ROBO1: variants seen among roughly 807,000 people sequenced by gnomAD.
ROBO1 encodes roundabout homolog 1.
A neutral mutation model predicts 195.9 loss-of-function variants in ROBO1; 149 were observed. That is an observed-to-expected ratio of 0.76 (90% CI 0.67 to 0.87). The LOEUF (loss-of-function observed/expected upper bound fraction) is 0.87. Ranked by LOEUF, ROBO1 falls within the 40% of genes least tolerant of loss-of-function variation. ROBO1 has a pLI of 0.00. For synonymous variants in ROBO1, 816 were observed against 733.2 expected (o/e 1.11, Z -1.82); for missense variants, 1,933 against 2,068.3 (o/e 0.93, Z 1.27).
intron 5 of ROBO1, among the ~76,000 whole-genome samples, chr3:78,728,457 TAA>T (rs11338908): frequency 0.029 from 4,265 of 148,522 alleles, 79 homozygotes; most frequent in Non-Finnish European, 0.046. Context: ...TTCTAGGTTA[TAA>T]AAAAAAAAAA....
rs565934200 is a variant in ROBO1, at chr3:78,901,947, G to A, written c.499+36654C>T. Among the ~76,000 whole-genome samples, 34 of 152,194 alleles carry A rather than the reference G, an allele frequency of 2.2e-4. No individual in the cohort carries two copies. The South Asian group carries it at 3.1e-3, about 14-fold the overall frequency. Reference sequence around the variant, plus strand: ...TATAAAGTTCTTTCCAGGAAATTACGTTTATTTCAAAATTTTATTTTCTTT... The same window carrying A: ...TATAAAGTTCTTTCCAGGAAATTACATTTATTTCAAAATTTTATTTTCTTT... On this transcript the variant is annotated intron_variant, in intron 4 of 30. Coordinates refer to ENST00000464233, the MANE Select transcript of ROBO1 (RefSeq NM_002941.4).
intron 4 of ROBO1, among the ~76,000 whole-genome samples, chr3:78,789,948 G>A (rs2108520747): frequency 6.6e-6 from 1 of 152,244 alleles, no homozygotes; most frequent in Middle Eastern, 3.4e-3. Context: ...AACATCTTGG[G>A]CTAGCTTAAC....
chr3:78,838,261 A>C (rs1169079607), intron 4 of ROBO1, among the ~76,000 whole-genome samples: 1 of 152,200 alleles, frequency 6.6e-6, no homozygotes, highest in African/African-American at 2.4e-5. Flanking sequence ...TGTCCATCAT[A>C]ATTAAAGGCC....
At chr3:79,260,788 T>C (rs1023629523) in intron 2 of ROBO1, among the ~76,000 whole-genome samples, 1 of 152,124 alleles carries the variant, frequency 6.6e-6, no homozygotes, top group South Asian at 2.1e-4. Context: ...GCAATCACAA[T>C]TTTTTAAAAT....
chr3:78,817,810 TCCAACTA>T (rs1559887342), intron 4 of ROBO1, among the ~76,000 whole-genome samples: 9 of 152,146 alleles, frequency 5.9e-5, no homozygotes, highest in African/African-American at 2.2e-4. Context: ...TGGTCATAGT[TCCAACTA>T]CCGTGGTTCC....
At chr3:78,728,261 C>G (rs919804228) in intron 5 of ROBO1, among the ~76,000 whole-genome samples, 4 of 152,022 alleles carry the variant, frequency 2.6e-5, no homozygotes, top group Non-Finnish European at 5.9e-5. Context: ...ATTTCCCACT[C>G]GAGTCTCTTG....
intron 2 of ROBO1, among the ~76,000 whole-genome samples, chr3:79,160,434 T>C (rs1192482380): frequency 6.6e-6 from 1 of 152,060 alleles, no homozygotes; most frequent in Non-Finnish European, 1.5e-5. Flanking sequence ...CATAAATTTA[T>C]CTTTAGTATG....
intron 2 of ROBO1, among the ~76,000 whole-genome samples, chr3:79,295,295 T>C (rs1388031225): frequency 6.6e-6 from 1 of 152,222 alleles, no homozygotes; most frequent in African/African-American, 2.4e-5. Flanking sequence ...TCATGTCCTT[T>C]ACAGGGAAAT....
At chr3:79,748,958 C>CA (rs1290281740) in intron 1 of ROBO1, among the ~76,000 whole-genome samples, 5 of 152,108 alleles carry the variant, frequency 3.3e-5, no homozygotes, top group South Asian at 2.1e-4. Context: ...AAAAGATACA[C>CA]AAAAAAAGTG....
intron 2 of ROBO1, among the ~76,000 whole-genome samples, chr3:79,271,963 A>T (rs73112706): frequency 0.1 from 15,246 of 152,058 alleles, 820 homozygotes; most frequent in Middle Eastern, 0.14. Context: ...AAATCTATCT[A>T]ATATGTGATA....
At chr3:78,972,717 G>T (rs543690087) in intron 3 of ROBO1, among the ~76,000 whole-genome samples, 2 of 152,250 alleles carry the variant, frequency 1.3e-5, no homozygotes, top group African/African-American at 4.8e-5. Flanking sequence ...GTGATAGTGG[G>T]AAAGTCCTTG....
chr3:79,292,381 T>C (rs1345710582), intron 2 of ROBO1, among the ~76,000 whole-genome samples: 19 of 152,314 alleles, frequency 1.2e-4, no homozygotes, highest in African/African-American at 4.3e-4. Context: ...TTTCTTTTGA[T>C]TGATTTCCCT....
intron 3 of ROBO1, among the ~76,000 whole-genome samples, chr3:79,016,891 A>G (rs1213900847): frequency 1.3e-5 from 2 of 152,176 alleles, no homozygotes; most frequent in Non-Finnish European, 2.9e-5. Context: ...GCAAATAGAG[A>G]GATCAGATTT....
rs1466110408 is a variant in ROBO1 at position 78,668,013 on chromosome 3, C to T, written c.1836G>A (p.Glu612=). 3.7e-6 allele frequency: 6 copies of T among 1,613,602 alleles called. No individual in the cohort carries two copies. Among genetic ancestry groups the T allele is most frequent in the East Asian group, 4.5e-5 (2 of 44,874 alleles). The change falls in exon 14 of 31, where the codon GAG becomes GAA. Residue 612 remains glutamate, a synonymous_variant. Coordinates refer to ENST00000464233, the MANE Select transcript of ROBO1 (RefSeq NM_002941.4). The part of the protein sequence containing the change: ...ASGSSWQTVA[E]NVKTETSAIK... ...TGGCAGATGTTTCTGTTTTCACATT[C>T]TCTGCTACGGTCTGCCAGCTGCTAC...
chr3:79,558,429 T>G (rs1278604396), intron 2 of ROBO1, among the ~76,000 whole-genome samples: 1 of 152,226 alleles, frequency 6.6e-6, no homozygotes, highest in Non-Finnish European at 1.5e-5. Flanking sequence ...TGTATAATAC[T>G]TATACAAAAT....
chr3:79,453,234 A>C (rs1198360970), intron 2 of ROBO1, among the ~76,000 whole-genome samples: 1 of 152,092 alleles, frequency 6.6e-6, no homozygotes, highest in Non-Finnish European at 1.5e-5. Context: ...GGGCTTTCAG[A>C]CTAAGCAACA....
At position 79,161,353 on chromosome 3, in the gene ROBO1, A is replaced by G. The variant is rs546466182; in HGVS notation, c.89-35814T>C. ...AACAAGTCAAGTTGATGTATTTGAT[A>G]TAAGTGACAATTCCCAATAACATCA... On this transcript the variant is annotated intron_variant, in intron 2 of 30. Transcript: ENST00000464233. Among the ~76,000 whole-genome samples the G allele has an allele frequency of 2.6e-5, 4 of 151,336 alleles. No individual in the cohort carries two copies. In the East Asian group the frequency reaches 7.7e-4, roughly 29 times the overall value.
chr3:79,670,004 A>G (rs1946587159), intron 1 of ROBO1, among the ~76,000 whole-genome samples: 1 of 151,912 alleles, frequency 6.6e-6, no homozygotes, highest in African/African-American at 2.4e-5. Flanking sequence ...ATTTGAGTAC[A>G]CAGCTTTACA....
intron 1 of ROBO1, among the ~76,000 whole-genome samples, chr3:79,760,658 C>T (rs907412106): frequency 6.7e-6 from 1 of 149,378 alleles, no homozygotes; most frequent in Admixed American, 6.7e-5. Flanking sequence ...GCTCACCACA[C>T]TAATAATCAG....
Sources: allele counts gnomAD v4.1 joint callset (sites outside exome capture counted in the v4.1 genomes callset), GRCh38; gene constraint gnomAD v4.1.1; transcripts MANE v1.5; gene names NCBI Gene and HGNC (gene_info 2026-07-23, HGNC 2026-07-21).